The following KHDRBS3 variants were observed in gnomAD, a reference collection of about 807,000 sequenced individuals.
KHDRBS3 encodes the protein KH domain-containing, RNA-binding, signal transduction-associated protein 3.
KHDRBS3 carries 23 observed loss-of-function variants against 45.6 expected under a neutral mutation model. That is an observed-to-expected ratio of 0.50 (90% CI 0.36 to 0.72). The LOEUF is 0.72. Among genes scored for constraint, KHDRBS3 ranks in the 30% least tolerant of loss-of-function variants. The pLI is 0.00. For missense variants in KHDRBS3, 352 were observed against 424.8 expected, an observed-to-expected ratio of 0.83 and a Z score of 1.51; for synonymous variants, 162 against 156.5, an observed-to-expected ratio of 1.04 and a Z score of -0.26.
chr8:135,511,393 A>ATCC (rs1470582448), intron 1 of KHDRBS3, among the ~76,000 whole-genome samples: 1 of 150,988 alleles, frequency 6.6e-6, no homozygotes, highest in Non-Finnish European at 1.5e-5. Flanking sequence ...CCTTCTCTCC[A>ATCC]TCCTCCTCAT....
At chr8:135,579,124 A>G (rs902081322) in intron 5 of KHDRBS3, among the ~76,000 whole-genome samples, 1 of 152,184 alleles carries the variant, frequency 6.6e-6, no homozygotes, top group African/African-American at 2.4e-5. Context: ...TTACATTGCC[A>G]GTGATGTCAC....
chr8:135,509,344 A>G (rs958386260), intron 1 of KHDRBS3, among the ~76,000 whole-genome samples: 2 of 152,186 alleles, frequency 1.3e-5, no homozygotes, highest in African/African-American at 2.4e-5. Context: ...TAGTTCTGCC[A>G]TTTATTAGGT....
chr8:135,458,174 G>C, intron 1 of KHDRBS3: 1 of 1,330,882 alleles, frequency 7.5e-7, no homozygotes, highest in Admixed American at 3.6e-5. Context: ...GAGAAGGCTG[G>C]GGCGCATGGG....
chr8:135,475,369 G>A (rs934683828), intron 1 of KHDRBS3, among the ~76,000 whole-genome samples: 1 of 151,852 alleles, frequency 6.6e-6, no homozygotes, highest in Admixed American at 6.6e-5. Flanking sequence ...GGAATGAAGT[G>A]GTGTAGATCT....
intron 1 of KHDRBS3, 198 bp downstream of exon 1, chr8:135,458,152 G>T (rs745748019): frequency 7.4e-7 from 1 of 1,352,578 alleles, no homozygotes; most frequent in Non-Finnish European, 9.5e-7. Flanking sequence ...GTGAATTTTG[G>T]GGACTTGGAA....
chr8:135,463,954 C>T (rs113681036), intron 1 of KHDRBS3, among the ~76,000 whole-genome samples: 20 of 152,260 alleles, frequency 1.3e-4, no homozygotes, highest in Middle Eastern at 3.4e-3. Flanking sequence ...GCATTCTCTC[C>T]CATCCCCGCA....
At chr8:135,535,269 A>G (rs1488323900) in intron 2 of KHDRBS3, among the ~76,000 whole-genome samples, 1 of 139,396 alleles carries the variant, frequency 7.2e-6, no homozygotes. Context: ...ACTATTATAT[A>G]TAGTTAAACT....
chr8:135,603,915 G>A (rs1043529337), intron 6 of KHDRBS3, among the ~76,000 whole-genome samples: 4 of 149,220 alleles, frequency 2.7e-5, no homozygotes, highest in African/African-American at 9.9e-5. Flanking sequence ...TGTCGATTAG[G>A]TGTAATTGAT....
intron 1 of KHDRBS3, among the ~76,000 whole-genome samples, chr8:135,491,996 T>C (rs1823178587): frequency 6.6e-6 from 1 of 151,984 alleles, no homozygotes; most frequent in Non-Finnish European, 1.5e-5. Context: ...TAGAAATGAT[T>C]AATGTTATTT....
intron 7 of KHDRBS3, among the ~76,000 whole-genome samples, chr8:135,631,718 T>C (rs1004485231): frequency 9.2e-5 from 14 of 152,212 alleles, no homozygotes; most frequent in African/African-American, 3.4e-4. Flanking sequence ...CTTTAGGAGG[T>C]AACCAGATAG....
intron 1 of KHDRBS3, among the ~76,000 whole-genome samples, chr8:135,459,448 A>G (rs1420825009): frequency 1.3e-5 from 2 of 152,192 alleles, no homozygotes; most frequent in African/African-American, 4.8e-5. Context: ...AAAAAAAATT[A>G]AGTTTTATTT....
chr8:135,626,791 G>A (rs1369475999), intron 7 of KHDRBS3, among the ~76,000 whole-genome samples: 5 of 78,566 alleles, frequency 6.4e-5, no homozygotes, highest in African/African-American at 1.5e-4. Flanking sequence ...GAGACACAGC[G>A]AGACTCCGTC....
chr8:135,508,795 C>T (rs1431124741), intron 1 of KHDRBS3, among the ~76,000 whole-genome samples: 1 of 152,138 alleles, frequency 6.6e-6, no homozygotes, highest in Non-Finnish European at 1.5e-5. Context: ...TTTAGAATAG[C>T]TAAGGGACTG....
chr8:135,624,467 A>T (rs1355209976), intron 7 of KHDRBS3, among the ~76,000 whole-genome samples: 1 of 152,232 alleles, frequency 6.6e-6, no homozygotes, highest in African/African-American at 2.4e-5. Context: ...TAACTGGAAA[A>T]ATAGAAATGC....
intron 1 of KHDRBS3, among the ~76,000 whole-genome samples, chr8:135,495,241 T>C (rs1425951554): frequency 6.6e-6 from 1 of 152,178 alleles, no homozygotes; most frequent in African/African-American, 2.4e-5. Context: ...GGGTCTCATC[T>C]CTCTTTGGAG....
rs75847478 is a variant in KHDRBS3 at position 135,465,392 on chromosome 8, T to A, written c.88+7438T>A. Among the ~76,000 whole-genome samples the A allele has an allele frequency of 4.7e-3, 723 of 152,366 alleles. 4 individuals are homozygous for A. Among genetic ancestry groups the A allele is most frequent in the Middle Eastern group, 0.01 (3 of 294 alleles). On this transcript the variant is annotated intron_variant, in intron 1 of 8. Transcript: ENST00000355849. The stretch of plus-strand genomic sequence containing the variant: ...GAGTATCGACATCACTTTTCAGATA[T>A]AATGTATATAATACAAATTCAATAC...
intron 5 of KHDRBS3, among the ~76,000 whole-genome samples, chr8:135,575,304 C>T (rs1172192572): frequency 2.0e-5 from 3 of 152,182 alleles, no homozygotes; most frequent in African/African-American, 7.2e-5. Context: ...CCACTTAAAA[C>T]CTGTACAGTG....
intron 7 of KHDRBS3, among the ~76,000 whole-genome samples, chr8:135,643,033 T>G (rs1485016357): frequency 6.6e-6 from 1 of 152,138 alleles, no homozygotes; most frequent in Non-Finnish European, 1.5e-5. Context: ...GACCTCGTGA[T>G]CCGCCCGCCT....
chr8:135,503,032 C>T (rs1326816345), intron 1 of KHDRBS3, among the ~76,000 whole-genome samples: 1 of 152,194 alleles, frequency 6.6e-6, no homozygotes, highest in Non-Finnish European at 1.5e-5. Context: ...ACTGCACAGA[C>T]ATAGAGCATT....
Sources: allele counts gnomAD v4.1 joint callset (sites outside exome capture counted in the v4.1 genomes callset), GRCh38; gene constraint gnomAD v4.1.1; transcripts MANE v1.5; gene names NCBI Gene and HGNC (gene_info 2026-07-23, HGNC 2026-07-21).